Variants in HS3ST2 observed in about 807,000 individuals in gnomAD.
HS3ST2 encodes heparan sulfate-glucosamine 3-sulfotransferase 2.
In HS3ST2, 17 loss-of-function variants were observed where a neutral mutation model predicts 26.3. The observed-to-expected ratio is 0.65, with a 90% confidence interval of 0.44 to 0.97. HS3ST2 has a LOEUF of 0.97. Among genes scored for constraint, HS3ST2 ranks in the 50% least tolerant of loss-of-function variants. The pLI is 0.00. For missense variants in HS3ST2, 402 were observed against 501.2 expected (o/e 0.80, Z 1.89); for synonymous variants, 237 against 219.2 (o/e 1.08, Z -0.72).
chr16:22,864,882 C>CAAA (rs34942780), intron 1 of HS3ST2, among the ~76,000 whole-genome samples: 8 of 57,108 alleles, frequency 1.4e-4, no homozygotes, highest in Non-Finnish European at 2.2e-4. Flanking sequence ...CCTGTCTCCA[C>CAAA]AAAAAAAAAA....
At chr16:22,892,133 A>T (rs1367246568) in intron 1 of HS3ST2, among the ~76,000 whole-genome samples, 1 of 128,136 alleles carries the variant, frequency 7.8e-6, no homozygotes, top group East Asian at 2.3e-4. Flanking sequence ...AAAAAAAAAT[A>T]CAAAAAGTTA....
intron 1 of HS3ST2, among the ~76,000 whole-genome samples, chr16:22,856,827 G>C (rs1441569699): frequency 1.3e-5 from 2 of 152,176 alleles, no homozygotes; most frequent in African/African-American, 4.8e-5. Context: ...CCTTGGGCAT[G>C]TCACATCACT....
At chr16:22,878,369 G>A (rs1327310475) in intron 1 of HS3ST2, among the ~76,000 whole-genome samples, 4 of 152,172 alleles carry the variant, frequency 2.6e-5, no homozygotes, top group African/African-American at 9.7e-5. Context: ...AGACACTGTT[G>A]CCCGCTGAAG....
At chr16:22,896,635 G>A (rs948368921) in intron 1 of HS3ST2, among the ~76,000 whole-genome samples, 1 of 152,112 alleles carries the variant, frequency 6.6e-6, no homozygotes, top group Non-Finnish European at 1.5e-5. Flanking sequence ...TTTTGACATC[G>A]CTAATTCTGC....
intron 1 of HS3ST2, among the ~76,000 whole-genome samples, chr16:22,853,397 G>A (rs1901545355): frequency 1.3e-5 from 2 of 152,124 alleles, no homozygotes; most frequent in South Asian, 4.1e-4. Flanking sequence ...ATTCTAAATG[G>A]CATCTTCCAC....
chr16:22,852,418 C>T (rs1901530525), intron 1 of HS3ST2, among the ~76,000 whole-genome samples: 1 of 152,182 alleles, frequency 6.6e-6, no homozygotes, highest in Non-Finnish European at 1.5e-5. Context: ...TAAATGGTTC[C>T]TTCTGGTGAA....
rs1478680836 is a variant in HS3ST2 at position 22,853,428 on chromosome 16, T to G, written c.485+38333T>G. ...TCCACAGAAAAGAGGAAGGATTTCATAACAATTTCTACCACTGCTATTTCA... is the reference window on the plus strand; with the variant it reads ...TCCACAGAAAAGAGGAAGGATTTCAGAACAATTTCTACCACTGCTATTTCA... On this transcript the variant is annotated intron_variant, in intron 1 of 1. Coordinates refer to ENST00000261374, the MANE Select transcript of HS3ST2 (RefSeq NM_006043.2). 4.6e-5 allele frequency among the ~76,000 whole-genome samples: 7 copies of G among 152,186 alleles called. No individual in the cohort carries two copies. The East Asian group carries it at 5.8e-4, about 13-fold the overall frequency.
intron 1 of HS3ST2, among the ~76,000 whole-genome samples, chr16:22,836,569 T>C (rs941574934): frequency 4.6e-5 from 7 of 152,224 alleles, no homozygotes; most frequent in Non-Finnish European, 1.0e-4. Flanking sequence ...TTTTTATTTA[T>C]CTCTTAATCA....
intron 1 of HS3ST2, among the ~76,000 whole-genome samples, chr16:22,911,766 A>C (rs1349358414): frequency 1.3e-5 from 2 of 151,938 alleles, no homozygotes; most frequent in East Asian, 3.9e-4. Context: ...GGATGATCTC[A>C]TATGCAAGTC....
chr16:22,828,896 T>C (rs1158913305), intron 1 of HS3ST2, among the ~76,000 whole-genome samples: 1 of 152,244 alleles, frequency 6.6e-6, no homozygotes, highest in Non-Finnish European at 1.5e-5. Flanking sequence ...TCTTTGTCTG[T>C]CACTCATTTC....
At chr16:22,879,921 C>T (rs1373830213) in intron 1 of HS3ST2, among the ~76,000 whole-genome samples, 1 of 152,150 alleles carries the variant, frequency 6.6e-6, no homozygotes, top group African/African-American at 2.4e-5. Context: ...GGGAGGGAAA[C>T]TGTGATTTCC....
chr16:22,846,010 G>C (rs1327707758), intron 1 of HS3ST2, among the ~76,000 whole-genome samples: 1 of 152,176 alleles, frequency 6.6e-6, no homozygotes, highest in African/African-American at 2.4e-5. Flanking sequence ...AGGTGCTGTG[G>C]CTTACGCCTG....
chr16:22,892,477 T>C (rs1902144404), intron 1 of HS3ST2, among the ~76,000 whole-genome samples: 1 of 152,196 alleles, frequency 6.6e-6, no homozygotes, highest in African/African-American at 2.4e-5. Context: ...CAATTTACAC[T>C]GGCATTTTCC....
intron 1 of HS3ST2, among the ~76,000 whole-genome samples, chr16:22,913,172 G>A (rs1188025784): frequency 3.0e-5 from 4 of 132,066 alleles, no homozygotes; most frequent in Admixed American, 7.5e-5. Flanking sequence ...GGGAGGGAGG[G>A]AGGGAGGGAG....
intron 1 of HS3ST2, among the ~76,000 whole-genome samples, chr16:22,884,258 T>G (rs1674113176): frequency 6.6e-6 from 1 of 152,208 alleles, no homozygotes; most frequent in Non-Finnish European, 1.5e-5. Flanking sequence ...GACAACCCTA[T>G]GAATTATTAC....
intron 1 of HS3ST2, among the ~76,000 whole-genome samples, chr16:22,859,403 G>C (rs540744429): frequency 6.6e-6 from 1 of 152,160 alleles, no homozygotes; most frequent in African/African-American, 2.4e-5. Context: ...GGCCTCACAC[G>C]TTTGCAGAAA....
At chr16:22,857,678 A>G (rs892478420) in intron 1 of HS3ST2, among the ~76,000 whole-genome samples, 5 of 152,194 alleles carry the variant, frequency 3.3e-5, no homozygotes, top group Non-Finnish European at 7.3e-5. Context: ...TGGAATGTGA[A>G]AGACAATCTT....
chr16:22,888,586 G>T (rs1488561880), intron 1 of HS3ST2, among the ~76,000 whole-genome samples: 1 of 151,760 alleles, frequency 6.6e-6, no homozygotes, highest in African/African-American at 2.4e-5. Flanking sequence ...CAGGTTTCAT[G>T]ATGTTAGCCA....
At chr16:22,908,322 A>T (rs1902380863) in intron 1 of HS3ST2, among the ~76,000 whole-genome samples, 1 of 151,952 alleles carries the variant, frequency 6.6e-6, no homozygotes, top group Non-Finnish European at 1.5e-5. Context: ...ATTGTGGTGG[A>T]CTCGGGAGAT....
Sources: allele counts gnomAD v4.1 joint callset (sites outside exome capture counted in the v4.1 genomes callset), GRCh38; gene constraint gnomAD v4.1.1; transcripts MANE v1.5; gene names NCBI Gene and HGNC (gene_info 2026-07-23, HGNC 2026-07-21).